Variants in COMMD5 observed in about 807,000 individuals in gnomAD.
COMMD5 encodes the protein COMM domain-containing protein 5.
COMMD5 carries 10 observed loss-of-function variants against 6.9 expected under a neutral mutation model. That is an observed-to-expected ratio of 1.44 (90% CI 0.89 to 2.45). COMMD5 has a LOEUF of 2.45. Among genes scored for constraint, COMMD5 ranks in the 30% most tolerant of loss-of-function variants. The pLI is 0.00. For missense variants in COMMD5, 234 were observed against 287.8 expected (o/e 0.81, Z 1.35); for synonymous variants, 127 against 125.3 (o/e 1.01, Z -0.09).
Position 144,843,383 on chromosome 8 carries a change from G to A in COMMD5, c.*117-1640C>T, listed in dbSNP as rs550768427. 972 of 495,040 alleles carry A rather than the reference G, an allele frequency of 2.0e-3. 4 individuals are homozygous for A. Among genetic ancestry groups the A allele is most frequent in the East Asian group, 6.9e-3 (199 of 28,934 alleles). The allele number at this position is 495,040 out of a possible 1,614,324, so 30.7% of individuals were successfully genotyped here. A position where few individuals can be genotyped will look rare whatever the true frequency, so the allele number is the denominator to read the frequency against. ...GGCGGGCACATCACGAGGTCAGGAG[G>A]TTGAGACCATCCTGGGTAACAGGTG... On this transcript the variant is annotated intron_variant and NMD_transcript_variant, in intron 1 of 1. Coordinates refer to the COMMD5 transcript ENST00000530332.
At chr8:144,843,177 C>T in intron 1 of COMMD5, 5 of 1,558,104 alleles carry the variant, frequency 3.2e-6, no homozygotes, top group Non-Finnish European at 4.3e-6. Context: ...AGACCACTTA[C>T]ATATAAATGT....
intron 1 of COMMD5, chr8:144,842,504 A>G: frequency 6.2e-7 from 1 of 1,614,154 alleles, no homozygotes; most frequent in Non-Finnish European, 8.5e-7. Context: ...CACACTGGAG[A>G]AAAACCATTT....
intron 1 of COMMD5, 77 bp from the exon 2 acceptor site, chr8:144,851,472 C>A (rs1178313667): frequency 1.1e-6 from 1 of 927,770 alleles, no homozygotes; most frequent in East Asian, 2.6e-5. Flanking sequence ...ATATGGTCCC[C>A]ATCATCAGCA....
chr8:144,853,120 G>C (rs944972512), upstream of COMMD5: 1 of 152,284 alleles, frequency 6.6e-6, no homozygotes, highest in African/African-American at 2.4e-5. Flanking sequence ...GCTGGCCCGA[G>C]GGGCGGAGCC....
At chr8:144,846,492 TACC>T (rs1230927583), downstream of COMMD5, 2 of 263,228 alleles carry the variant, frequency 7.6e-6, no homozygotes, top group South Asian at 7.6e-5. Flanking sequence ...CAGCAGTGTT[TACC>T]ACACCAGCCA....
At chr8:144,852,687 C>G (rs533059251) in intron 1 of COMMD5, 152 bp downstream of exon 1, 4 of 152,384 alleles carry the variant, frequency 2.6e-5, no homozygotes, top group South Asian at 4.1e-4. Flanking sequence ...CTTCCGGTCG[C>G]GCGGCTTGGA....
chr8:144,840,408 G>A (rs1829728020), downstream of COMMD5, among the ~76,000 whole-genome samples: 1 of 152,248 alleles, frequency 6.6e-6, no homozygotes, highest in Non-Finnish European at 1.5e-5. Flanking sequence ...TAACTGGGCT[G>A]TGCATTCATG....
chr8:144,853,321 G>C (rs1830839236), upstream of COMMD5: 1 of 152,280 alleles, frequency 6.6e-6, no homozygotes, highest in African/African-American at 2.4e-5. Flanking sequence ...CGCAGAGTGA[G>C]GGTAAAGCGG....
At chr8:144,845,691 C>T (rs1586854076), downstream of COMMD5, among the ~76,000 whole-genome samples, 1 of 152,288 alleles carries the variant, frequency 6.6e-6, no homozygotes, top group Middle Eastern at 3.4e-3. Context: ...CAGGGGGAAC[C>T]TGGAACTCCT....
chr8:144,842,094 A>G (rs767497965), intron 1 of COMMD5: 1 of 1,613,948 alleles, frequency 6.2e-7, no homozygotes, highest in Non-Finnish European at 8.5e-7. Context: ...GAATCCACAC[A>G]GGAGAGAGGC....
At chr8:144,842,336 A>G in intron 1 of COMMD5, 4 of 1,614,044 alleles carry the variant, frequency 2.5e-6, no homozygotes, top group Non-Finnish European at 3.4e-6. Flanking sequence ...CACGCTGTAG[A>G]GAAACCATTT....
In COMMD5 at chr8:144,850,900, C is replaced by T; in HGVS notation, c.439G>A (p.Ala147Thr). The change falls in exon 2 of 2, where the codon GCC becomes ACC. Residue 147 changes from alanine (A) to threonine (T), a missense_variant. Physicochemically the swap from Ala to Thr is moderately conservative, Grantham distance 58 (BLOSUM62 0). Transcript: ENST00000305103. The surrounding 1 kb of genome is among the most constrained non-coding windows in gnomAD (Gnocchi z 4.0). The part of the protein sequence containing the change: ...LLDSVAQQQG[A>T]WLPHVADFRW... ...AAGTCAGCAACATGCGGCAGCCAGGCCCCCTGCTGCTGGGCCACAGAATCA... is the reference window on the plus strand; with the variant it reads ...AAGTCAGCAACATGCGGCAGCCAGGTCCCCTGCTGCTGGGCCACAGAATCA... The T allele has an allele frequency of 6.2e-7, 1 of 1,609,486 alleles. No individual in the cohort carries two copies. The highest frequency in any genetic ancestry group is 8.5e-7 in the Non-Finnish European group (1 of 1,178,428).
chr8:144,845,898 G>A, downstream of COMMD5: 1 of 1,406,124 alleles, frequency 7.1e-7, no homozygotes, highest in South Asian at 1.3e-5. Flanking sequence ...GCTGAGAAGG[G>A]TCTTGGCAGG....
chr8:144,841,817 AG>A, intron 1 of COMMD5: 2 of 1,614,228 alleles, frequency 1.2e-6, no homozygotes, highest in Non-Finnish European at 1.7e-6. Flanking sequence ...GACTGCTTGC[AG>A]GGGAAACATA....
At position 144,850,610 on chromosome 8, in the gene COMMD5, C is replaced by T; in HGVS notation, c.*54G>A. 1 of 1,563,244 alleles carries T rather than the reference C, an allele frequency of 6.4e-7. No homozygotes were observed. The highest frequency in any genetic ancestry group is 1.2e-5 in the South Asian group (1 of 84,836). ...GGGAAGAGTCAGCTGCACTTTGGCA[C>T]CATCTCAGGTGCCTGTCCAAGCCGG... is the stretch of plus-strand genomic sequence containing the variant. On this transcript the variant is annotated 3_prime_UTR_variant, in exon 2 of 2. Transcript: ENST00000305103. This position sits in a 1 kb window ranked among gnomAD's most constrained non-coding sequence, Gnocchi z 4.0.
exon 2 of COMMD5, chr8:144,841,608 AC>A (rs1474975190): frequency 6.2e-7 from 1 of 1,614,142 alleles, no homozygotes; most frequent in Non-Finnish European, 8.5e-7. Flanking sequence ...CCAAGGACGC[AC>A]CCCAGGGATG....
chr8:144,844,517 T>C (rs1385823240), intron 1 of COMMD5, among the ~76,000 whole-genome samples: 1 of 151,392 alleles, frequency 6.6e-6, no homozygotes, highest in African/African-American at 2.4e-5. Flanking sequence ...AAGACCATCC[T>C]GGCTAACACA....
At chr8:144,848,869 T>C (rs1452381367), downstream of COMMD5, among the ~76,000 whole-genome samples, 1 of 152,130 alleles carries the variant, frequency 6.6e-6, no homozygotes, top group Non-Finnish European at 1.5e-5. Flanking sequence ...CCAGCCCCAG[T>C]CCCAGGAATG....
At chr8:144,838,947 A>AG (rs1829459177), downstream of COMMD5, 1 of 151,686 alleles carries the variant, frequency 6.6e-6, no homozygotes, top group Admixed American at 6.6e-5. Context: ...GTCTCAAAAA[A>AG]AAAAAAAAAA....
Sources: allele counts gnomAD v4.1 joint callset (sites outside exome capture counted in the v4.1 genomes callset), GRCh38; gene constraint gnomAD v4.1.1; non-coding constraint Gnocchi (gnomAD v3.1); transcripts MANE v1.5; gene names NCBI Gene and HGNC (gene_info 2026-07-23, HGNC 2026-07-21).